Variants in VSTM4 observed in about 807,000 individuals in gnomAD.
VSTM4 encodes V-set and transmembrane domain-containing protein 4.
VSTM4 carries 20 observed loss-of-function variants against 36.4 expected under a neutral mutation model. That is an observed-to-expected ratio of 0.55 (90% confidence interval 0.39 to 0.80). The LOEUF (loss-of-function observed/expected upper bound fraction) is 0.80, where lower values mean the gene tolerates loss of function less well. VSTM4 is among the 30% of genes least tolerant of loss of function. VSTM4 has a pLI of 0.00. For missense variants in VSTM4, 392 were observed against 404.5 expected (o/e 0.97, Z 0.26); for synonymous variants, 182 against 173.9 (o/e 1.05, Z -0.37).
chr10:49,090,083 A>G (rs988245512), intron 2 of VSTM4, among the ~76,000 whole-genome samples: 4 of 152,234 alleles, frequency 2.6e-5, no homozygotes, highest in African/African-American at 9.6e-5. Flanking sequence ...AAAATTTGGC[A>G]AGACTAAGGA....
At chr10:49,075,304 G>A (rs996173654) in intron 4 of VSTM4, among the ~76,000 whole-genome samples, 2 of 152,016 alleles carry the variant, frequency 1.3e-5, no homozygotes, top group Non-Finnish European at 2.9e-5. Context: ...ATGCCCCTGA[G>A]CCCAGGCAAA....
intron 2 of VSTM4, among the ~76,000 whole-genome samples, chr10:49,086,315 C>T (rs1328403148): frequency 2.6e-5 from 4 of 152,194 alleles, no homozygotes; most frequent in Non-Finnish European, 5.9e-5. Flanking sequence ...TTCCCAGTGG[C>T]AAACCCAATA....
chr10:49,024,221 G>A (rs1035376159), intron 7 of VSTM4, among the ~76,000 whole-genome samples: 3 of 152,094 alleles, frequency 2.0e-5, no homozygotes, highest in Non-Finnish European at 4.4e-5. Context: ...TCAGCTGCTT[G>A]GTATTTTGTG....
intron 3 of VSTM4, among the ~76,000 whole-genome samples, chr10:49,082,822 C>A (rs566933558): frequency 3.3e-5 from 5 of 152,374 alleles, no homozygotes; most frequent in African/African-American, 1.2e-4. Context: ...TTTTTAGACT[C>A]AACTGCAAGC....
chr10:49,083,547 A>G (rs1305999641), intron 3 of VSTM4, among the ~76,000 whole-genome samples: 1 of 152,228 alleles, frequency 6.6e-6, no homozygotes, highest in Non-Finnish European at 1.5e-5. Flanking sequence ...ATTGGTCTGT[A>G]AACAGCTGCT....
intron 4 of VSTM4, among the ~76,000 whole-genome samples, chr10:49,074,925 G>A (rs572114344): frequency 6.6e-6 from 1 of 152,236 alleles, no homozygotes; most frequent in African/African-American, 2.4e-5. Flanking sequence ...CCTGGTTTCA[G>A]GGCCTTCTCA....
At chr10:49,066,890 G>A (rs1299809420) in intron 4 of VSTM4, among the ~76,000 whole-genome samples, 1 of 152,054 alleles carries the variant, frequency 6.6e-6, no homozygotes, top group Non-Finnish European at 1.5e-5. Context: ...GTAAAATAGG[G>A]TAATCAATAA....
chr10:49,065,379 G>A (rs1336777838), intron 4 of VSTM4, among the ~76,000 whole-genome samples: 1 of 152,140 alleles, frequency 6.6e-6, no homozygotes, highest in Non-Finnish European at 1.5e-5. Flanking sequence ...TTACATCAGT[G>A]GACTCAGTGA....
chr10:49,055,525 A>C (rs1161414184), intron 5 of VSTM4, among the ~76,000 whole-genome samples: 1 of 152,226 alleles, frequency 6.6e-6, no homozygotes, highest in Admixed American at 6.5e-5. Flanking sequence ...TAAAATGAAT[A>C]ATAGTAACAA....
intron 4 of VSTM4, among the ~76,000 whole-genome samples, chr10:49,068,540 A>G (rs1844015579): frequency 6.6e-6 from 1 of 152,186 alleles, no homozygotes; most frequent in South Asian, 2.1e-4. Flanking sequence ...TCCCATTAAG[A>G]GGGACTGCCC....
intron 5 of VSTM4, among the ~76,000 whole-genome samples, chr10:49,059,363 G>A (rs1390996350): frequency 1.3e-5 from 2 of 152,208 alleles, no homozygotes; most frequent in Non-Finnish European, 2.9e-5. Context: ...GAAGGAGGCA[G>A]CCTTTCAACA....
intron 7 of VSTM4, among the ~76,000 whole-genome samples, chr10:49,027,969 G>A (rs1389629686): frequency 1.3e-5 from 2 of 152,200 alleles, no homozygotes; most frequent in Admixed American, 1.3e-4. Flanking sequence ...TAGGCCACAT[G>A]GCAAGTTATG....
rs979634372 is a variant in VSTM4 at position 49,042,679 on chromosome 10, C to T, written c.837+4304G>A. On this transcript the variant is annotated intron_variant, in intron 7 of 7. Coordinates refer to ENST00000332853, the MANE Select transcript of VSTM4 (RefSeq NM_001031746.5). Reference sequence around the variant, plus strand: ...TGGATGTAGAATTACAGAACCTACTCAACAGGGAGGGTGTGCAGAATCATA... The same window carrying T: ...TGGATGTAGAATTACAGAACCTACTTAACAGGGAGGGTGTGCAGAATCATA... 3.2e-4 allele frequency among the ~76,000 whole-genome samples: 49 copies of T among 152,326 alleles called. 1 individual carries two copies. The highest frequency in any genetic ancestry group is 2.7e-3 in the Admixed American group (42 of 15,310).
intron 2 of VSTM4, among the ~76,000 whole-genome samples, chr10:49,100,576 G>A (rs753617025): frequency 2.0e-5 from 3 of 150,744 alleles, no homozygotes; most frequent in Non-Finnish European, 4.4e-5. Context: ...TGTACTGAAA[G>A]ACATTTAAAA....
At chr10:49,072,569 T>A (rs1844100323) in intron 4 of VSTM4, among the ~76,000 whole-genome samples, 1 of 152,194 alleles carries the variant, frequency 6.6e-6, no homozygotes, top group African/African-American at 2.4e-5. Context: ...ACATTCCTCA[T>A]CACTCTTCCT....
intron 5 of VSTM4, among the ~76,000 whole-genome samples, chr10:49,061,456 G>T (rs1217238018): frequency 6.6e-6 from 1 of 152,154 alleles, no homozygotes; most frequent in Non-Finnish European, 1.5e-5. Context: ...TCTACAGCAG[G>T]TCAATCAGTA....
At chr10:49,093,029 T>C (rs4421674) in intron 2 of VSTM4, among the ~76,000 whole-genome samples, 104,367 of 151,934 alleles carry the variant, frequency 0.69, 37,544 homozygotes, top group African/African-American at 0.91. Flanking sequence ...GAGCTACTTG[T>C]ACTCAATAAA....
chr10:49,085,210 T>C (rs1177452537), intron 3 of VSTM4, among the ~76,000 whole-genome samples: 1 of 152,250 alleles, frequency 6.6e-6, no homozygotes, highest in Non-Finnish European at 1.5e-5. Context: ...ATGCATATGC[T>C]GCCGGTCTGC....
intron 7 of VSTM4, among the ~76,000 whole-genome samples, chr10:49,038,456 G>A (rs1250201909): frequency 6.6e-6 from 1 of 152,198 alleles, no homozygotes; most frequent in Admixed American, 6.5e-5. Context: ...GGCTGGCTGG[G>A]TGGGAGTGGG....
Sources: allele counts gnomAD v4.1 joint callset (sites outside exome capture counted in the v4.1 genomes callset), GRCh38; gene constraint gnomAD v4.1.1; transcripts MANE v1.5; gene names NCBI Gene and HGNC (gene_info 2026-07-23, HGNC 2026-07-21).